STK32B: variants seen among roughly 807,000 people sequenced by gnomAD.
STK32B encodes the protein serine/threonine kinase 32B.
A neutral mutation model predicts 52.6 loss-of-function variants in STK32B; 43 were observed. The ratio of observed to expected loss-of-function variants is 0.82; its 90% CI spans 0.64 to 1.05. STK32B has a LOEUF of 1.05. STK32B is among the 50% of genes least tolerant of loss of function. The probability of loss-of-function intolerance (pLI) is 0.00; values close to 1 mark genes in which losing one functional copy is unlikely to be tolerated. For missense variants in STK32B, 621 were observed against 534.6 expected, an observed-to-expected ratio of 1.16 and a Z score of -1.59; for synonymous variants, 238 against 204.3, an observed-to-expected ratio of 1.17 and a Z score of -1.41.
At chr4:5,384,101 G>A (rs1042169815) in intron 4 of STK32B, among the ~76,000 whole-genome samples, 1 of 152,212 alleles carries the variant, frequency 6.6e-6, no homozygotes, top group African/African-American at 2.4e-5. Flanking sequence ...GACAATGCTT[G>A]GCTCAGCAGA....
At chr4:5,238,904 C>T (rs1724813663) in intron 3 of STK32B, among the ~76,000 whole-genome samples, 1 of 152,178 alleles carries the variant, frequency 6.6e-6, no homozygotes, top group Non-Finnish European at 1.5e-5. Flanking sequence ...AAAAGTAATA[C>T]ATTGAGTTCT....
intron 7 of STK32B, chr4:5,447,053 G>A (rs986534328): frequency 2.6e-5 from 8 of 308,558 alleles, no homozygotes; most frequent in South Asian, 6.1e-5. Flanking sequence ...ACATCAAAGC[G>A]CCTTGGCCTC....
chr4:5,196,483 G>A (rs1721679889), intron 3 of STK32B, among the ~76,000 whole-genome samples: 1 of 151,892 alleles, frequency 6.6e-6, no homozygotes, highest in African/African-American at 2.4e-5. Flanking sequence ...AGCACTTTAG[G>A]AGGCCACGGT....
chr4:5,465,029 C>T (rs1253134980), intron 9 of STK32B, among the ~76,000 whole-genome samples: 2 of 152,072 alleles, frequency 1.3e-5, no homozygotes, highest in African/African-American at 4.8e-5. Flanking sequence ...GGACAAAGCC[C>T]AGTGCCAGGC....
In STK32B at chr4:5,471,564, T is replaced by C. The variant is rs549854942; in HGVS notation, c.1106+3494T>C. Among the ~76,000 whole-genome samples, 31 of 152,242 alleles carry C rather than the reference T, an allele frequency of 2.0e-4. 1 individual carries two copies. The South Asian group carries it at 4.2e-3, about 20-fold the overall frequency. On this transcript the variant is annotated intron_variant, in intron 11 of 11. Coordinates refer to ENST00000282908, the MANE Select transcript of STK32B (RefSeq NM_018401.3). ...CTATGGGGAATACATTTCTGTTGTT[T>C]AAAGCCACCCAGTTGGTGGTAACTT...
At chr4:5,119,157 G>T (rs1413319926) in intron 1 of STK32B, among the ~76,000 whole-genome samples, 1 of 152,234 alleles carries the variant, frequency 6.6e-6, no homozygotes, top group East Asian at 1.9e-4. Context: ...CGGGCTGCAG[G>T]CTCTCCTGAT....
chr4:5,260,815 A>T (rs1213976926), intron 3 of STK32B, among the ~76,000 whole-genome samples: 6 of 152,122 alleles, frequency 3.9e-5, no homozygotes, highest in Non-Finnish European at 7.4e-5. Context: ...GGCCCTAGGG[A>T]CCAACATCTG....
At chr4:5,363,127 A>G (rs1734656232) in intron 4 of STK32B, among the ~76,000 whole-genome samples, 1 of 152,178 alleles carries the variant, frequency 6.6e-6, no homozygotes, top group South Asian at 2.1e-4. Context: ...CATCATCAAT[A>G]TATCCCCAAA....
chr4:5,493,732 C>G (rs368424235), intron 11 of STK32B, among the ~76,000 whole-genome samples: 1,880 of 152,210 alleles, frequency 0.012, 18 homozygotes, highest in African/African-American at 0.039. Flanking sequence ...ATAAATTTCC[C>G]TCTACACACT....
chr4:5,180,480 T>C (rs75374917), intron 3 of STK32B, among the ~76,000 whole-genome samples: 28,571 of 152,162 alleles, frequency 0.19, 3,383 homozygotes, highest in East Asian at 0.31. Flanking sequence ...GGCTTCATGG[T>C]CCACTCTGGT....
At chr4:5,170,140 C>T (rs977593759) in intron 3 of STK32B, among the ~76,000 whole-genome samples, 1 of 152,012 alleles carries the variant, frequency 6.6e-6, no homozygotes, top group Non-Finnish European at 1.5e-5. Flanking sequence ...AATTATTTTG[C>T]CAATGTAAAT....
At chr4:5,107,161 T>C (rs530680738) in intron 1 of STK32B, among the ~76,000 whole-genome samples, 9 of 152,114 alleles carry the variant, frequency 5.9e-5, no homozygotes, top group African/African-American at 2.2e-4. Flanking sequence ...CAAACCTATA[T>C]TGTGAACTGT....
intron 6 of STK32B, among the ~76,000 whole-genome samples, 187 bp downstream of exon 6, chr4:5,417,121 C>A (rs1271901080): frequency 6.6e-6 from 1 of 152,228 alleles, no homozygotes; most frequent in Non-Finnish European, 1.5e-5. Context: ...GTCTCCTCTG[C>A]TAGACAACCC....
At chr4:5,348,564 C>T (rs1188608387) in intron 4 of STK32B, among the ~76,000 whole-genome samples, 1 of 152,196 alleles carries the variant, frequency 6.6e-6, no homozygotes, top group Non-Finnish European at 1.5e-5. Context: ...TTCCCACCCA[C>T]TGCTGCAGGG....
At chr4:5,029,261 AT>A in the STK32B span, among the ~76,000 whole-genome samples, 1 of 152,228 alleles carries the variant, frequency 6.6e-6, no homozygotes, top group Admixed American at 6.5e-5. Flanking sequence ...GGTTAGTTAC[AT>A]GGCAAAGGGA....
chr4:5,230,152 C>G (rs1473808781), intron 3 of STK32B, among the ~76,000 whole-genome samples: 1 of 134,922 alleles, frequency 7.4e-6, no homozygotes, highest in Non-Finnish European at 1.6e-5. Context: ...CTCTAGCAAA[C>G]AGAAGAACAC....
intron 1 of STK32B, among the ~76,000 whole-genome samples, chr4:5,060,006 G>A (rs975031116): frequency 1.3e-5 from 2 of 152,134 alleles, no homozygotes; most frequent in African/African-American, 2.4e-5. Context: ...CGTTCTTGTT[G>A]CCCAGGCTGG....
chr4:5,108,935 G>A (rs1040409213), intron 1 of STK32B, among the ~76,000 whole-genome samples: 2 of 152,174 alleles, frequency 1.3e-5, no homozygotes, highest in Non-Finnish European at 2.9e-5. Context: ...ATGGAAACCT[G>A]AAATGGCAAT....
chr4:5,410,576 C>T lies in STK32B; in HGVS notation c.473-6269C>T, dbSNP rs558708956. 8.5e-4 allele frequency among the ~76,000 whole-genome samples: 130 copies of T among 152,306 alleles called. No homozygotes were observed. The Middle Eastern group carries it at 0.014, about 16-fold the overall frequency. On this transcript the variant is annotated intron_variant, in intron 5 of 11. Coordinates refer to ENST00000282908, the MANE Select transcript of STK32B (RefSeq NM_018401.3). ...TGCCCCTACAAGCAGACGTCCTCTT[C>T]TCCCAGGCTGTGGTCTTGGAGGTCC...
Sources: gnomAD v4.1 joint callset for allele counts (sites outside exome capture counted in the v4.1 genomes callset) on GRCh38, gnomAD v4.1.1 for gene constraint, MANE v1.5 for transcripts, NCBI Gene and HGNC (gene_info 2026-07-23, HGNC 2026-07-21) for gene names.